Variants in NEBL observed in about 807,000 individuals in gnomAD.
The protein encoded by NEBL is nebulette.
NEBL carries 122 observed loss-of-function variants against 140.2 expected under a neutral mutation model. The observed-to-expected ratio is 0.87, with a 90% CI of 0.75 to 1.01. The LOEUF is 1.01. Among genes scored for constraint, NEBL ranks in the 50% least tolerant of loss-of-function variants. NEBL has a pLI of 0.00. For synonymous variants in NEBL, 436 were observed against 398.9 expected, an observed-to-expected ratio of 1.09 and a Z score of -1.11; for missense variants, 1,365 against 1,231.3, an observed-to-expected ratio of 1.11 and a Z score of -1.62.
intron 3 of NEBL, among the ~76,000 whole-genome samples, chr10:21,220,492 T>A (rs766369120): frequency 6.6e-6 from 1 of 152,070 alleles, no homozygotes; most frequent in Non-Finnish European, 1.5e-5. Context: ...TATACAAAAA[T>A]CAACTCAAAA....
intron 1 of NEBL, among the ~76,000 whole-genome samples, chr10:21,288,913 A>C (rs1462558857): frequency 7.6e-6 from 1 of 131,190 alleles, no homozygotes; most frequent in Non-Finnish European, 1.6e-5. Flanking sequence ...CAGCGGCAGG[A>C]TCTCAGCTCA....
chr10:21,272,094 G>A (rs1176216055), intron 1 of NEBL, among the ~76,000 whole-genome samples: 2 of 146,550 alleles, frequency 1.4e-5, no homozygotes, highest in Non-Finnish European at 3.0e-5. Context: ...TGGGTCTACA[G>A]GCACCCGCCA....
chr10:21,141,888 G>A (rs1839647438), intron 2 of NEBL, among the ~76,000 whole-genome samples: 1 of 152,158 alleles, frequency 6.6e-6, no homozygotes, highest in African/African-American at 2.4e-5. Flanking sequence ...GGTGCCTGAG[G>A]TCCAGGATTA....
chr10:20,921,322 T>C (rs888218509), intron 4 of NEBL, among the ~76,000 whole-genome samples: 2 of 152,178 alleles, frequency 1.3e-5, no homozygotes, highest in Non-Finnish European at 2.9e-5. Flanking sequence ...CCCTGCCCTG[T>C]TCCATGTCCC....
intron 2 of NEBL, among the ~76,000 whole-genome samples, chr10:21,053,188 G>T (rs1834852898): frequency 6.6e-6 from 1 of 152,026 alleles, no homozygotes; most frequent in South Asian, 2.1e-4. Flanking sequence ...AAAATTAAAA[G>T]AATTCACTGA....
chr10:21,030,815 G>A, intron 2 of NEBL: 1 of 359,720 alleles, frequency 2.8e-6, no homozygotes, highest in South Asian at 2.3e-5. Context: ...CGGAATTTGT[G>A]ACAATGATAT....
At chr10:21,244,685 A>T (rs1193628560) in intron 3 of NEBL, among the ~76,000 whole-genome samples, 1 of 151,782 alleles carries the variant, frequency 6.6e-6, no homozygotes, top group African/African-American at 2.4e-5. Context: ...AATTTTTTTA[A>T]AAAATTAAAA....
chr10:21,189,368 TG>T, intron 3 of NEBL, among the ~76,000 whole-genome samples: 1 of 152,294 alleles, frequency 6.6e-6, no homozygotes, highest in East Asian at 1.9e-4. Flanking sequence ...AAGCAAAGAA[TG>T]GGTTCTCCCC....
intron 26 of NEBL, among the ~76,000 whole-genome samples, chr10:20,798,546 T>C (rs1252876818): frequency 1.3e-5 from 2 of 152,212 alleles, no homozygotes; most frequent in African/African-American, 4.8e-5. Flanking sequence ...ACTATTTTCA[T>C]TTCATTTGCT....
At chr10:20,856,116 G>C (rs1288922118) in intron 9 of NEBL, among the ~76,000 whole-genome samples, 1 of 152,106 alleles carries the variant, frequency 6.6e-6, no homozygotes, top group Non-Finnish European at 1.5e-5. Flanking sequence ...TTCTCTCCCA[G>C]GAAGTAGTCA....
chr10:21,076,132 T>C (rs1836063679), intron 2 of NEBL, among the ~76,000 whole-genome samples: 2 of 151,978 alleles, frequency 1.3e-5, no homozygotes, highest in African/African-American at 4.8e-5. Context: ...TGTATAGCAA[T>C]TCCTCAAAAA....
intron 2 of NEBL, among the ~76,000 whole-genome samples, chr10:21,093,150 C>CTTTTTTTTTTTTTTTTTTTTTTT (rs4025884): frequency 1.2e-4 from 11 of 95,030 alleles, no homozygotes; most frequent in African/African-American, 3.4e-4. Flanking sequence ...AGCAACAAGT[C>CTTTTTTTTTTTTTTTTTTTTTTT]TTTTTTTTTT....
intron 1 of NEBL, among the ~76,000 whole-genome samples, chr10:21,263,110 G>A (rs1433290774): frequency 1.3e-5 from 2 of 152,118 alleles, no homozygotes; most frequent in African/African-American, 4.8e-5. Context: ...TAATCACAAT[G>A]GCAACAGCGA....
At chr10:21,160,841 GC>G (rs1328675188) in intron 2 of NEBL, among the ~76,000 whole-genome samples, 1 of 145,456 alleles carries the variant, frequency 6.9e-6, no homozygotes, top group Non-Finnish European at 1.5e-5. Context: ...AGGAAATGAA[GC>G]CATCAAACTT....
At chr10:21,287,178 A>G (rs890835968) in intron 1 of NEBL, among the ~76,000 whole-genome samples, 4 of 152,140 alleles carry the variant, frequency 2.6e-5, no homozygotes, top group African/African-American at 9.7e-5. Flanking sequence ...AGGTCAAGGG[A>G]AAGAATCCAG....
In NEBL at chr10:20,783,360, C is replaced by G. The variant is rs1275891997; in HGVS notation, c.*2387G>C. The G allele has an allele frequency of 6.6e-6, 1 of 152,112 alleles. No individual in the cohort carries two copies. Among genetic ancestry groups the G allele is most frequent in the Non-Finnish European group, 1.5e-5 (1 of 68,028 alleles). 9.4% of individuals were successfully genotyped at this position (152,112 alleles called of 1,614,324 possible). On this transcript the variant is annotated 3_prime_UTR_variant, in exon 28 of 28. Transcript: ENST00000377122. ...TAGTCTTCATTGTAAAACAACTACC[C>G]TTTAGTTAAATTCTGATCAGATCTT... is the stretch of plus-strand genomic sequence containing the variant.
chr10:20,886,452 C>T (rs1294647510), intron 4 of NEBL, among the ~76,000 whole-genome samples: 1 of 152,024 alleles, frequency 6.6e-6, no homozygotes, highest in Non-Finnish European at 1.5e-5. Flanking sequence ...TAACTTGAAC[C>T]CGGGAGGCAG....
chr10:21,260,793 C>T (rs1044864844), intron 1 of NEBL, among the ~76,000 whole-genome samples: 1 of 152,194 alleles, frequency 6.6e-6, no homozygotes, highest in African/African-American at 2.4e-5. Context: ...GTTCTAGCCA[C>T]ACACAAAACA....
chr10:21,271,835 T>C (rs1842864202), intron 1 of NEBL, among the ~76,000 whole-genome samples: 1 of 151,820 alleles, frequency 6.6e-6, no homozygotes, highest in Admixed American at 6.6e-5. Context: ...CGAGAATAGA[T>C]CTTAAATGTT....
Sources: allele counts gnomAD v4.1 joint callset (sites outside exome capture counted in the v4.1 genomes callset), GRCh38; gene constraint gnomAD v4.1.1; transcripts MANE v1.5; gene names NCBI Gene and HGNC (gene_info 2026-07-23, HGNC 2026-07-21).